The following GRM5 variants were observed in gnomAD, a reference collection of about 807,000 sequenced individuals.
GRM5 encodes glutamate metabotropic receptor 5.
Under a neutral mutation model 83.1 loss-of-function variants are expected in GRM5, and 19 were observed. The ratio of observed to expected loss-of-function variants is 0.23; its 90% confidence interval spans 0.16 to 0.34. The LOEUF (loss-of-function observed/expected upper bound fraction) is 0.34, where lower values mean the gene tolerates loss of function less well. Ranked by LOEUF, GRM5 falls within the 10% of genes least tolerant of loss-of-function variation. GRM5 has a pLI of 1.00. For missense variants in GRM5, 1,160 were observed against 1,588.3 expected (o/e 0.73, Z 4.58); for synonymous variants, 675 against 633.6 (o/e 1.07, Z -0.98).
At chr11:88,884,654 C>T (rs1945012214) in intron 2 of GRM5, among the ~76,000 whole-genome samples, 1 of 152,146 alleles carries the variant, frequency 6.6e-6, no homozygotes, top group Non-Finnish European at 1.5e-5. Context: ...CCATAATTCC[C>T]ATGTGTCATG....
intron 3 of GRM5, among the ~76,000 whole-genome samples, chr11:88,839,872 T>C (rs1944165021): frequency 6.6e-6 from 1 of 152,068 alleles, no homozygotes. Flanking sequence ...ATATACTGTA[T>C]TCTTATAATA....
intron 4 of GRM5, among the ~76,000 whole-genome samples, chr11:88,621,964 T>C (rs1194148120): frequency 6.6e-6 from 1 of 152,216 alleles, no homozygotes; most frequent in East Asian, 1.9e-4. Flanking sequence ...TAGATCTATA[T>C]AAAATGATTA....
chr11:88,783,306 A>C (rs187225261), intron 3 of GRM5, among the ~76,000 whole-genome samples: 173 of 152,236 alleles, frequency 1.1e-3, no homozygotes, highest in African/African-American at 4.0e-3. Flanking sequence ...GTAAACAATC[A>C]AACACTAAAT....
intron 3 of GRM5, among the ~76,000 whole-genome samples, chr11:88,834,173 C>A (rs191539526): frequency 2.1e-4 from 32 of 152,120 alleles, no homozygotes; most frequent in Admixed American, 7.9e-4. Flanking sequence ...ACTGTAAATA[C>A]CCTAACCCTA....
At chr11:88,564,584 A>G (rs1485473555) in intron 8 of GRM5, among the ~76,000 whole-genome samples, 1 of 152,124 alleles carries the variant, frequency 6.6e-6, no homozygotes, top group Non-Finnish European at 1.5e-5. Context: ...AGTTAATAGT[A>G]CAACTAGGGA....
chr11:88,884,435 C>T (rs1565276261), intron 2 of GRM5, among the ~76,000 whole-genome samples: 2 of 152,130 alleles, frequency 1.3e-5, no homozygotes, highest in African/African-American at 2.4e-5. Flanking sequence ...ATTTTACAGG[C>T]TCATAGGAGG....
At chr11:88,693,472 T>C (rs914163671) in intron 3 of GRM5, among the ~76,000 whole-genome samples, 14 of 152,084 alleles carry the variant, frequency 9.2e-5, no homozygotes, top group Admixed American at 9.2e-4. Context: ...ATTCTGAAAA[T>C]GTTGAGAAAC....
chr11:88,526,280 G>A lies in GRM5; in HGVS notation c.2631-876C>T, dbSNP rs376092485. On this transcript the variant is annotated intron_variant, in intron 8 of 9. Coordinates refer to ENST00000305447, the MANE Select transcript of GRM5 (RefSeq NM_001143831.3). ...ACGTGGTGCATCAAGATGAGTTCTT[G>A]TATCTCAATGACAGTTTTTTGAGCT... Among the ~76,000 whole-genome samples the A allele has an allele frequency of 1.4e-3, 206 of 152,238 alleles. 4 individuals are homozygous for A. Among genetic ancestry groups the A allele is most frequent in the Middle Eastern group, 3.4e-3 (1 of 294 alleles).
intron 2 of GRM5, among the ~76,000 whole-genome samples, chr11:88,946,101 G>T (rs976764968): frequency 6.6e-6 from 1 of 151,958 alleles, no homozygotes; most frequent in African/African-American, 2.4e-5. Flanking sequence ...CTCCTAAAAA[G>T]AAAACATACA....
intron 2 of GRM5, among the ~76,000 whole-genome samples, chr11:88,962,571 A>G: frequency 6.6e-6 from 1 of 152,170 alleles, no homozygotes; most frequent in Non-Finnish European, 1.5e-5. Context: ...CCTGACATCT[A>G]TCCATTAATT....
At chr11:88,883,822 C>T (rs886222483) in intron 2 of GRM5, among the ~76,000 whole-genome samples, 2 of 152,038 alleles carry the variant, frequency 1.3e-5, no homozygotes, top group Non-Finnish European at 2.9e-5. Context: ...CAGCCCCAAG[C>T]CTTGGCAACT....
intron 2 of GRM5, among the ~76,000 whole-genome samples, chr11:89,027,484 A>T (rs1420035469): frequency 6.6e-6 from 1 of 152,210 alleles, no homozygotes; most frequent in Non-Finnish European, 1.5e-5. Context: ...AACAAGGAAG[A>T]CTAGGAAGTT....
At chr11:88,854,519 G>T (rs1944438942) in intron 2 of GRM5, among the ~76,000 whole-genome samples, 3 of 151,872 alleles carry the variant, frequency 2.0e-5, no homozygotes, top group African/African-American at 7.2e-5. Context: ...TCATCAGCTG[G>T]GATCTGGAAG....
In GRM5 at chr11:88,720,809, T is replaced by TGTGTGTGTGC. The variant is rs1555001335; in HGVS notation, c.912-67407_912-67406insGCACACACAC. Among the ~76,000 whole-genome samples, 1,192 of 134,504 alleles carry TGTGTGTGTGC rather than the reference T, an allele frequency of 8.9e-3. 11 individuals are homozygous for TGTGTGTGTGC. The highest frequency in any genetic ancestry group is 0.024 in the African/African-American group (855 of 34,906). The allele number at this position is 134,504 out of a possible 152,430, so 88.2% of individuals were successfully genotyped here. A position where few individuals can be genotyped will look rare whatever the true frequency, so the allele number is the denominator to read the frequency against. ...AAAATCATTACTCTGTGTGTGTGTG[T>TGTGTGTGTGC]GTGTGTGTGTGCGTGTGTGTGTGTG... On this transcript the variant is annotated intron_variant, in intron 3 of 9. Coordinates refer to ENST00000305447, the MANE Select transcript of GRM5 (RefSeq NM_001143831.3).
At position 88,542,768 on chromosome 11, in the gene GRM5, T is replaced by C. The variant is rs377626872; in HGVS notation, c.2631-17364A>G. On this transcript the variant is annotated intron_variant, in intron 8 of 9. Transcript: ENST00000305447. ...AAACAAATAGAGCACACTAAACTCA[T>C]GGTAAAGATAATAACACCTGCCGGG... is the stretch of plus-strand genomic sequence containing the variant. Among the ~76,000 whole-genome samples the C allele has an allele frequency of 2.6e-4, 39 of 152,234 alleles. 1 individual carries two copies. Among genetic ancestry groups the C allele is most frequent in the East Asian group, 1.7e-3 (9 of 5,178 alleles).
intron 2 of GRM5, among the ~76,000 whole-genome samples, chr11:88,974,479 A>G (rs1202966507): frequency 1.3e-5 from 2 of 152,186 alleles, no homozygotes; most frequent in African/African-American, 4.8e-5. Context: ...ATAAATGCTT[A>G]TAATATTAAT....
At chr11:88,843,974 A>C (rs1944253533) in intron 3 of GRM5, among the ~76,000 whole-genome samples, 1 of 152,216 alleles carries the variant, frequency 6.6e-6, no homozygotes, top group Non-Finnish European at 1.5e-5. Context: ...GAAGACAGGA[A>C]ACTGTCTCTG....
intron 8 of GRM5, among the ~76,000 whole-genome samples, chr11:88,546,497 T>C (rs1942388074): frequency 6.6e-6 from 1 of 152,170 alleles, no homozygotes; most frequent in South Asian, 2.1e-4. Context: ...CTTTGCTTTA[T>C]GTTTAATAAT....
At chr11:88,725,647 A>G (rs1187987884) in intron 3 of GRM5, among the ~76,000 whole-genome samples, 1 of 152,136 alleles carries the variant, frequency 6.6e-6, no homozygotes, top group Non-Finnish European at 1.5e-5. Flanking sequence ...TCTAGCTGGC[A>G]TCTGGTGGGT....
Sources: allele counts gnomAD v4.1 joint callset (sites outside exome capture counted in the v4.1 genomes callset), GRCh38; gene constraint gnomAD v4.1.1; transcripts MANE v1.5; gene names NCBI Gene and HGNC (gene_info 2026-07-23, HGNC 2026-07-21).